ASH1L: variants seen among roughly 807,000 people sequenced by gnomAD.
ASH1L encodes ASH1 like histone lysine methyltransferase.
In ASH1L, 23 loss-of-function variants were observed where a neutral mutation model predicts 269.0. The observed-to-expected ratio is 0.09, with a 90% CI of 0.06 to 0.12. The LOEUF is 0.12. Among genes scored for constraint, ASH1L ranks in the 10% least tolerant of loss-of-function variants. The pLI, the probability that ASH1L is intolerant of heterozygous loss-of-function variation, is 1.00. For missense variants in ASH1L, 2,912 were observed against 3,567.8 expected (o/e 0.82, Z 4.68); for synonymous variants, 1,187 against 1,253.5 (o/e 0.95, Z 1.12).
intron 3 of ASH1L, among the ~76,000 whole-genome samples, chr1:155,468,772 G>GA (rs200516392): frequency 2.7e-3 from 414 of 151,908 alleles, no homozygotes; most frequent in Admixed American, 5.0e-3. Context: ...TTTATATATG[G>GA]AAAAAATCAA....
intron 8 of ASH1L, among the ~76,000 whole-genome samples, chr1:155,379,665 C>A (rs754888025): frequency 6.6e-6 from 1 of 152,088 alleles, no homozygotes; most frequent in Admixed American, 6.6e-5. Flanking sequence ...AAATTTCAAA[C>A]TGATAAGAAG....
At chr1:155,413,115 T>G (rs1659932455) in intron 6 of ASH1L, among the ~76,000 whole-genome samples, 1 of 152,146 alleles carries the variant, frequency 6.6e-6, no homozygotes, top group African/African-American at 2.4e-5. Flanking sequence ...AAATTATGAC[T>G]GAATTAGATG....
intron 1 of ASH1L, among the ~76,000 whole-genome samples, chr1:155,537,011 C>G (rs1227021469): frequency 1.3e-5 from 2 of 150,872 alleles, no homozygotes; most frequent in East Asian, 3.9e-4. Context: ...CACCACTGCA[C>G]TCCAGCCTGG....
intron 6 of ASH1L, among the ~76,000 whole-genome samples, chr1:155,413,049 A>G (rs1659928116): frequency 6.6e-6 from 1 of 152,138 alleles, no homozygotes; most frequent in South Asian, 2.1e-4. Flanking sequence ...CTTGAATTTT[A>G]TTTAGCAGAA....
intron 7 of ASH1L, among the ~76,000 whole-genome samples, chr1:155,386,435 T>G (rs1657436255): frequency 6.6e-6 from 1 of 152,052 alleles, no homozygotes; most frequent in African/African-American, 2.4e-5. Flanking sequence ...TTGCCTAGGC[T>G]GGAGTGGAGT....
intron 2 of ASH1L, among the ~76,000 whole-genome samples, chr1:155,499,496 A>G (rs1667368467): frequency 6.6e-6 from 1 of 152,184 alleles, no homozygotes; most frequent in Non-Finnish European, 1.5e-5. Flanking sequence ...CAGAGAGGAA[A>G]CTTTTCTTTC....
At chr1:155,350,847 G>C (rs895402304) in intron 17 of ASH1L, among the ~76,000 whole-genome samples, 3 of 151,836 alleles carry the variant, frequency 2.0e-5, no homozygotes, top group African/African-American at 4.8e-5. Context: ...CTTGAAGCCG[G>C]GAGGCGGAGG....
intron 4 of ASH1L, among the ~76,000 whole-genome samples, chr1:155,459,120 C>T (rs1441201048): frequency 1.3e-5 from 2 of 151,856 alleles, no homozygotes; most frequent in Admixed American, 1.3e-4. Flanking sequence ...AATAGAGGTT[C>T]TCCTCATGAA....
At position 155,480,290 on chromosome 1, in the gene ASH1L, C is replaced by T; in HGVS notation, c.2580G>A (p.Lys860=). 1.2e-6 allele frequency: 2 copies of T among 1,614,128 alleles called. No individual in the cohort carries two copies. The highest frequency in any genetic ancestry group is 1.7e-6 in the Non-Finnish European group (2 of 1,180,004). ...GTAAAATTGGGGGTTCTTGTTCTTC[C>T]TTAGACTGTAAAGAAAACACTTTAG... The part of the protein sequence containing the change: ...PASKVFSLQS[K]EEQEPPILQP... The change falls in exon 3 of 28, where the codon AAG becomes AAA. Residue 860 remains lysine, a synonymous_variant. Coordinates refer to ENST00000392403, the MANE Select transcript of ASH1L (RefSeq NM_018489.3).
chr1:155,480,473 T>C lies in ASH1L; in HGVS notation c.2397A>G (p.Pro799=). The C allele has an allele frequency of 6.2e-7, 1 of 1,614,022 alleles. No homozygotes were observed. The highest frequency in any genetic ancestry group is 8.5e-7 in the Non-Finnish European group (1 of 1,179,902). Residue 799 remains proline (P), a synonymous_variant, in exon 3 of 28, where the codon CCA becomes CCG. Transcript: ENST00000392403. ...TGTGAGTAGCAAAAGACTTATGAGA[T>C]GGTTTTTCACTATCAGCTAAGAGAG... ...SLALLADSEK[P]SHKSFATHKL... is the part of the protein sequence containing the mutation.
chr1:155,396,609 C>T (rs1393544137), intron 6 of ASH1L, among the ~76,000 whole-genome samples: 11 of 151,914 alleles, frequency 7.2e-5, no homozygotes, highest in Admixed American at 7.2e-4. Context: ...CTGTGCCTGG[C>T]CTAAAGTTCC....
chr1:155,363,158 T>G (rs1321599990), intron 12 of ASH1L, among the ~76,000 whole-genome samples: 2 of 152,108 alleles, frequency 1.3e-5, no homozygotes, highest in Non-Finnish European at 2.9e-5. Flanking sequence ...TAATTTTGTA[T>G]TTTTAGTACA....
chr1:155,359,961 C>T (rs1654795107), intron 13 of ASH1L, among the ~76,000 whole-genome samples: 1 of 151,730 alleles, frequency 6.6e-6, no homozygotes, highest in African/African-American at 2.4e-5. Context: ...AATCTCGGCT[C>T]AACGTAACGC....
chr1:155,559,534 C>CA (rs71270465), intron 1 of ASH1L, among the ~76,000 whole-genome samples: 30,684 of 84,630 alleles, frequency 0.36, 4,407 homozygotes, highest in East Asian at 0.74. Context: ...AACTCAGTCT[C>CA]AAAAAAAAAA....
chr1:155,428,947 T>C (rs2148588602), intron 5 of ASH1L, among the ~76,000 whole-genome samples: 1 of 152,306 alleles, frequency 6.6e-6, no homozygotes, highest in East Asian at 1.9e-4. Flanking sequence ...TTTCTGTGTG[T>C]GTGTCTTTAA....
chr1:155,474,106 T>A (rs1389999349), intron 3 of ASH1L, among the ~76,000 whole-genome samples: 1 of 152,210 alleles, frequency 6.6e-6, no homozygotes, highest in Non-Finnish European at 1.5e-5. Context: ...AGTGCTGGGA[T>A]TACAGGCATG....
chr1:155,434,824 C>A (rs1661949517), intron 5 of ASH1L, among the ~76,000 whole-genome samples: 1 of 151,978 alleles, frequency 6.6e-6, no homozygotes. Context: ...GTATACCAGC[C>A]TGGGCGACAG....
intron 1 of ASH1L, among the ~76,000 whole-genome samples, chr1:155,554,957 A>G (rs1196212516): frequency 6.6e-6 from 1 of 151,954 alleles, no homozygotes; most frequent in Admixed American, 6.6e-5. Flanking sequence ...AGCCTGGCCA[A>G]CATGGTGAAA....
intron 4 of ASH1L, among the ~76,000 whole-genome samples, chr1:155,447,947 G>A (rs1017523860): frequency 5.9e-5 from 9 of 152,072 alleles, no homozygotes; most frequent in South Asian, 2.1e-4. Context: ...ATCAATATCC[G>A]GGAGAGTTTT....
Sources: allele counts gnomAD v4.1 joint callset (sites outside exome capture counted in the v4.1 genomes callset), GRCh38; gene constraint gnomAD v4.1.1; transcripts MANE v1.5; gene names NCBI Gene and HGNC (gene_info 2026-07-23, HGNC 2026-07-21).